NR5A2: variants seen among roughly 807,000 people sequenced by gnomAD.
NR5A2 encodes the protein nuclear receptor subfamily 5 group A member 2.
Under a neutral mutation model 62.7 loss-of-function variants are expected in NR5A2, and 26 were observed. The observed-to-expected ratio is 0.41, with a 90% CI of 0.30 to 0.58. NR5A2 has a LOEUF of 0.58. NR5A2 is among the 20% of genes least tolerant of loss of function. The pLI is 0.22. For synonymous variants in NR5A2, 246 were observed against 241.7 expected, an observed-to-expected ratio of 1.02 and a Z score of -0.16; for missense variants, 541 against 669.1, an observed-to-expected ratio of 0.81 and a Z score of 2.11.
chr1:200,058,720 C>T (rs1023061703), intron 5 of NR5A2, among the ~76,000 whole-genome samples: 4 of 147,746 alleles, frequency 2.7e-5, no homozygotes, highest in African/African-American at 1.0e-4. Flanking sequence ...CTCAGGTGAT[C>T]CACCTGCCTC....
chr1:200,038,798 C>A (rs760234369), intron 1 of NR5A2: 1 of 1,300,196 alleles, frequency 7.7e-7, no homozygotes, highest in South Asian at 1.3e-5. Flanking sequence ...ATTTACATCC[C>A]CCCGCCCCGG....
Position 200,147,753 on chromosome 1 carries a change from G to T in NR5A2, c.1379-26210G>T. The T allele has an allele frequency of 3.7e-6, 2 of 537,454 alleles. No homozygotes were observed. The highest frequency in any genetic ancestry group is 3.5e-6 in the Non-Finnish European group (1 of 285,578). The allele number at this position is 537,454 out of a possible 1,614,324, so 33.3% of individuals were successfully genotyped here. On this transcript the variant is annotated intron_variant, in intron 7 of 7. Coordinates refer to ENST00000367362, the MANE Select transcript of NR5A2 (RefSeq NM_205860.3). The surrounding 1 kb of genome is among the most constrained non-coding windows in gnomAD (Gnocchi z 4.9). ...CTCCCACGTCCACGGTGAAGACGCGGATGCCGGCGCGAATGCCGGCACGGA... is the reference window on the plus strand; with the variant it reads ...CTCCCACGTCCACGGTGAAGACGCGTATGCCGGCGCGAATGCCGGCACGGA...
chr1:200,153,392 A>G lies in NR5A2; in HGVS notation c.1379-20571A>G, dbSNP rs565585800. 3.9e-5 allele frequency among the ~76,000 whole-genome samples: 6 copies of G among 152,346 alleles called. No individual in the cohort carries two copies. The East Asian group carries it at 7.7e-4, about 20-fold the overall frequency. ...TAAGCTGGTGCTTCCCCTGAGCCAC[A>G]TAGGAGAATGTTGGCTCTGAGAATG... On this transcript the variant is annotated intron_variant, in intron 7 of 7. Coordinates refer to ENST00000367362, the MANE Select transcript of NR5A2 (RefSeq NM_205860.3).
At chr1:200,035,153 A>G (rs1313545909) in intron 1 of NR5A2, among the ~76,000 whole-genome samples, 2 of 152,130 alleles carry the variant, frequency 1.3e-5, no homozygotes, top group Non-Finnish European at 2.9e-5. Flanking sequence ...ATCCTGGCCT[A>G]GTAATGGAGA....
Position 200,150,810 on chromosome 1 carries a change from ACAT to A in NR5A2, c.1379-23150_1379-23148del, listed in dbSNP as rs540558461. On this transcript the variant is annotated intron_variant, in intron 7 of 7. Transcript: ENST00000367362. ...CCATGTCTCTAATCACATAAGAAGA[ACAT>A]CACCCATGAGTCATAGGACTCTGGG... is the stretch of plus-strand genomic sequence containing the variant. Among the ~76,000 whole-genome samples the A allele has an allele frequency of 2.7e-3, 410 of 152,312 alleles. 1 individual carries two copies. The highest frequency in any genetic ancestry group is 4.3e-3 in the Non-Finnish European group (295 of 68,018).
chr1:200,140,209 C>T (rs76752149), intron 7 of NR5A2, among the ~76,000 whole-genome samples: 3,275 of 150,594 alleles, frequency 0.022, 107 homozygotes, highest in African/African-American at 0.07. Flanking sequence ...TAGATTATTT[C>T]TTTTATTATT....
intron 7 of NR5A2, among the ~76,000 whole-genome samples, chr1:200,141,074 T>G (rs1667424680): frequency 6.6e-6 from 1 of 152,134 alleles, no homozygotes; most frequent in African/African-American, 2.4e-5. Flanking sequence ...ATGGCATTGG[T>G]ATAGTCTGTA....
chr1:200,156,580 G>A (rs554936276), intron 7 of NR5A2, among the ~76,000 whole-genome samples: 7 of 152,178 alleles, frequency 4.6e-5, no homozygotes, highest in Admixed American at 2.0e-4. Flanking sequence ...TGTATTTTTA[G>A]TAGAGAGGGT....
At chr1:200,137,612 T>C (rs747329287) in intron 7 of NR5A2, among the ~76,000 whole-genome samples, 14 of 152,312 alleles carry the variant, frequency 9.2e-5, no homozygotes, top group Non-Finnish European at 2.1e-4. Context: ...CCTTTCCTAA[T>C]ATTGCCAGCA....
chr1:200,137,482 T>C (rs1049736629), intron 7 of NR5A2, among the ~76,000 whole-genome samples: 1 of 152,116 alleles, frequency 6.6e-6, no homozygotes, highest in Non-Finnish European at 1.5e-5. Flanking sequence ...TTACTTTTAA[T>C]ATGAAGAAAC....
At chr1:200,130,405 TG>T (rs1169613584) in intron 7 of NR5A2, among the ~76,000 whole-genome samples, 1 of 151,808 alleles carries the variant, frequency 6.6e-6, no homozygotes, top group Non-Finnish European at 1.5e-5. Flanking sequence ...ATTCATTCAC[TG>T]TAAGTCAGAA....
intron 5 of NR5A2, among the ~76,000 whole-genome samples, chr1:200,098,490 T>C (rs1475012241): frequency 1.3e-5 from 2 of 151,922 alleles, no homozygotes; most frequent in East Asian, 1.9e-4. Flanking sequence ...CAGAAAAAAA[T>C]AGGAAGATTG....
chr1:200,172,038 T>G (rs1270269155), intron 7 of NR5A2, among the ~76,000 whole-genome samples: 1 of 152,212 alleles, frequency 6.6e-6, no homozygotes, highest in Non-Finnish European at 1.5e-5. Context: ...TATGCAAATT[T>G]CTACATCCTC....
At position 200,092,873 on chromosome 1, in the gene NR5A2, C is replaced by CTTTT. The variant is rs869028679; in HGVS notation, c.1111-18304_1111-18301dup. ...ACATTGATATTACTAAAAGACAGGT[C>CTTTT]TTTTTTTTTTTTTTTTTTTTTTTTT... On this transcript the variant is annotated intron_variant, in intron 5 of 7. Coordinates refer to ENST00000367362, the MANE Select transcript of NR5A2 (RefSeq NM_205860.3). Among the ~76,000 whole-genome samples the CTTTT allele has an allele frequency of 1.6e-4, 10 of 64,256 alleles. 1 individual carries two copies. Among genetic ancestry groups the CTTTT allele is most frequent in the African/African-American group, 2.7e-4 (4 of 14,624 alleles). The allele number at this position is 64,256 out of a possible 152,430, so 42.2% of individuals were successfully genotyped here.
chr1:200,048,389 T>C lies in NR5A2; in HGVS notation c.681T>C (p.His227=), dbSNP rs749896579. Residue 227 remains histidine (H), a synonymous_variant, in exon 5 of 8, where the codon CAT becomes CAC. Transcript: ENST00000367362. This position sits in a 1 kb window ranked among gnomAD's most constrained non-coding sequence, Gnocchi z 4.8. ...CCTCCAAAGGCCTACCTCTGAACCATGCTGCCTTGCCTCCTACAGACTATG... is the reference window on the plus strand; with the variant it reads ...CCTCCAAAGGCCTACCTCTGAACCACGCTGCCTTGCCTCCTACAGACTATG... The part of the protein sequence containing the change: ...HSASKGLPLN[H]AALPPTDYDR... 3 of 1,614,216 alleles carry C rather than the reference T, an allele frequency of 1.9e-6. No individual in the cohort carries two copies. The highest frequency in any genetic ancestry group is 1.7e-5 in the Admixed American group (1 of 60,022).
intron 5 of NR5A2, among the ~76,000 whole-genome samples, chr1:200,093,186 G>A (rs1664902385): frequency 6.6e-6 from 1 of 152,066 alleles, no homozygotes; most frequent in African/African-American, 2.4e-5. Context: ...TTACAGGCAT[G>A]AGCCACCACA....
intron 7 of NR5A2, among the ~76,000 whole-genome samples, chr1:200,172,222 T>C (rs776040424): frequency 6.6e-6 from 1 of 152,224 alleles, no homozygotes; most frequent in Non-Finnish European, 1.5e-5. Flanking sequence ...AAGGTATTTC[T>C]GATTGTTTAT....
chr1:200,161,307 G>T lies in NR5A2; in HGVS notation c.1379-12656G>T, dbSNP rs115264549. ...GCTCAGAATATCCCATCGATTTCCAGCCAGAGGCCTTATTTTTCTTTGATT... is the reference window on the plus strand; with the variant it reads ...GCTCAGAATATCCCATCGATTTCCATCCAGAGGCCTTATTTTTCTTTGATT... On this transcript the variant is annotated intron_variant, in intron 7 of 7. Coordinates refer to ENST00000367362, the MANE Select transcript of NR5A2 (RefSeq NM_205860.3). Among the ~76,000 whole-genome samples, 262 of 152,248 alleles carry T rather than the reference G, an allele frequency of 1.7e-3. 1 individual carries two copies. The highest frequency in any genetic ancestry group is 2.9e-3 in the Non-Finnish European group (196 of 68,014).
intron 7 of NR5A2, among the ~76,000 whole-genome samples, chr1:200,134,436 T>C (rs2816956): frequency 0.85 from 129,056 of 152,202 alleles, 55,221 homozygotes; most frequent in East Asian, 0.98. Flanking sequence ...TGCACAAATA[T>C]TCACTGTGTT....
Sources: allele counts gnomAD v4.1 joint callset (sites outside exome capture counted in the v4.1 genomes callset), GRCh38; gene constraint gnomAD v4.1.1; non-coding constraint Gnocchi (gnomAD v3.1); transcripts MANE v1.5; gene names NCBI Gene and HGNC (gene_info 2026-07-23, HGNC 2026-07-21).